The following RHOXF2 variants were observed in gnomAD, a reference collection of about 807,000 sequenced individuals.
The protein encoded by RHOXF2 is Rhox homeobox family member 2.
Under a neutral mutation model 9.3 loss-of-function variants are expected in RHOXF2, and 2 were observed. The ratio of observed to expected loss-of-function variants is 0.22; its 90% confidence interval spans 0.09 to 0.68. The LOEUF (loss-of-function observed/expected upper bound fraction) is 0.68. Ranked by LOEUF, RHOXF2 falls within the 30% of genes least tolerant of loss-of-function variation. The pLI, the probability that RHOXF2 is intolerant of heterozygous loss-of-function variation, is 0.82. For missense variants in RHOXF2, 27 were observed against 140.0 expected (o/e 0.19, Z 4.07); for synonymous variants, 15 against 63.3 (o/e 0.24, Z 3.62).
rs376075919 is a variant in RHOXF2, at chrX:120,159,236, G to A, written c.301G>A (p.Asp101Asn). 1.5e-5 allele frequency: 18 copies of A among 1,206,523 alleles called. No individual in the cohort carries two copies. The highest frequency in any genetic ancestry group is 3.0e-5 in the East Asian group (1 of 33,556). The change falls in exon 2 of 4, where the codon GAT becomes AAT. Residue 101 changes from aspartate (D) to asparagine (N), a missense_variant. Physicochemically the swap from Asp to Asn is conservative, Grantham distance 23. Around this residue, in one of 2 missense-constraint regions of RHOXF2, gnomAD observed 27 missense variants for 110.4 expected, o/e 0.24. Transcript: ENST00000371388. The stretch of plus-strand genomic sequence containing the variant: ...AGACCTCGAGGGCACCAGCGGCAGC[G>A]ATGGCAACGTTGAGGACAGCGACCA... ...EGDLEGTSGS[D>N]GNVEDSDQSE...
chrX:120,163,161 G>GT (rs2057418449), intron 3 of RHOXF2, among the ~76,000 whole-genome samples: 1 of 97,572 alleles, frequency 1.0e-5, no homozygotes, highest in Non-Finnish European at 2.1e-5. Flanking sequence ...TACCAGCAGG[G>GT]ATCGAGTCCC....
Position 120,159,205 on chromosome X carries a change from G to C in RHOXF2, c.270G>C (p.Trp90Cys). 5 of 1,207,148 alleles carry C rather than the reference G, an allele frequency of 4.1e-6. No homozygotes were observed. Among genetic ancestry groups the C allele is most frequent in the Non-Finnish European group, 5.6e-6 (5 of 894,026 alleles). The change falls in exon 2 of 4, where the codon TGG (tryptophan) becomes TGC (cysteine). Residue 90 changes from tryptophan (W) to cysteine (C), a missense_variant. Trp to Cys is a radical substitution (Grantham distance 215). Coordinates refer to ENST00000371388, the MANE Select transcript of RHOXF2 (RefSeq NM_032498.3). ...GGGAGVPGHL[W>C]EGDLEGTSGS... Reference sequence around the variant, plus strand: ...GCGCCGGAGTTCCTGGCCACCTATGGGAAGGAGACCTCGAGGGCACCAGCG... The same window carrying C: ...GCGCCGGAGTTCCTGGCCACCTATGCGAAGGAGACCTCGAGGGCACCAGCG...
At position 120,163,916 on chromosome X, in the gene RHOXF2, AT is replaced by A; in HGVS notation, c.*134del. 7.4e-5 allele frequency: 1 copy of A among 13,598 alleles called. No homozygotes were observed. The highest frequency in any genetic ancestry group is 1.3e-4 in the Non-Finnish European group (1 of 7,433). 1.1% of individuals were successfully genotyped at this position (13,598 alleles called of 1,213,427 possible). A position where few individuals can be genotyped will look rare whatever the true frequency, so the allele number is the denominator to read the frequency against. On this transcript the variant is annotated 3_prime_UTR_variant, in exon 4 of 4. Coordinates refer to ENST00000371388, the MANE Select transcript of RHOXF2 (RefSeq NM_032498.3). ...TTAAAGAAAAGTACATCATTGACCC[AT>A]TTTTAGGGCACTTGTAAAAATGTTT...
At chrX:120,162,212 TG>T (rs2057414850) in intron 3 of RHOXF2, among the ~76,000 whole-genome samples, 1 of 65,442 alleles carries the variant, frequency 1.5e-5, no homozygotes, top group Non-Finnish European at 2.7e-5. Context: ...GAGAAGGAAA[TG>T]GGGCATCAAA....
intron 3 of RHOXF2, among the ~76,000 whole-genome samples, chrX:120,161,402 A>AT (rs1457049519): frequency 9.5e-5 from 6 of 63,343 alleles, no homozygotes; most frequent in Admixed American, 7.9e-4. Context: ...CATTTAAGAG[A>AT]TTTTTTGTTT....
chrX:120,159,257 G>A lies in RHOXF2; in HGVS notation c.322G>A (p.Asp108Asn), dbSNP rs782319401. Residue 108 changes from aspartate to asparagine, a missense_variant, in exon 2 of 4, where the codon GAC becomes AAC. Asp to Asn is a conservative substitution (Grantham distance 23). Transcript: ENST00000371388. ...CAGCGATGGCAACGTTGAGGACAGC[G>A]ACCAGAGCGAGAAGGAACCTGGGCA... is the stretch of plus-strand genomic sequence containing the variant. ...SGSDGNVEDS[D>N]QSEKEPGQQY... is the part of the protein sequence containing the mutation. 1.4e-5 allele frequency: 17 copies of A among 1,208,476 alleles called. No homozygotes were observed. The highest frequency in any genetic ancestry group is 2.3e-4 in the Middle Eastern group (1 of 4,337).
At position 120,159,202 on chromosome X, in the gene RHOXF2, A is replaced by G. The variant is rs35263081; in HGVS notation, c.267A>G (p.Leu89=). Residue 89 remains leucine (L), a synonymous_variant, in exon 2 of 4, where the codon CTA becomes CTG. Transcript: ENST00000371388. ...DGGGAGVPGH[L]WEGDLEGTSG... ...GCGGCGCCGGAGTTCCTGGCCACCTATGGGAAGGAGACCTCGAGGGCACCA... is the reference window on the plus strand; with the variant it reads ...GCGGCGCCGGAGTTCCTGGCCACCTGTGGGAAGGAGACCTCGAGGGCACCA... 2,293 of 1,204,096 alleles carry G rather than the reference A, an allele frequency of 1.9e-3. 16 individuals carry two copies. The African/African-American group carries it at 0.035, about 19-fold the overall frequency.
rs782217219 is a variant in RHOXF2 at position 120,159,361 on chromosome X, C to G, written c.426C>G (p.Thr142=). 6 of 1,210,717 alleles carry G rather than the reference C, an allele frequency of 5.0e-6. No individual in the cohort carries two copies. In the East Asian group the frequency reaches 1.8e-4, roughly 36 times the overall value. ...AGCAGCCCAACGTCCACGCCTTCAC[C>G]CCATTGCAGCTGCAGGAGCTGGAGC... The part of the protein sequence containing the change: ...NAQQPNVHAF[T]PLQLQELERI... The change falls in exon 2 of 4, where the codon ACC becomes ACG. Residue 142 remains threonine (T), a synonymous_variant. Transcript: ENST00000371388.
intron 2 of RHOXF2, 141 bp downstream of exon 2, chrX:120,159,567 C>CCG (rs2057405582): frequency 9.7e-6 from 9 of 931,742 alleles, no homozygotes; most frequent in Non-Finnish European, 1.3e-5. Flanking sequence ...CCCGCAGACC[C>CCG]CTGGCACCTA....
chrX:120,163,383 CTTG>C (rs2057419624), intron 3 of RHOXF2, 72 bp from the exon 4 acceptor site: 2 of 102,246 alleles, frequency 2.0e-5, no homozygotes, highest in East Asian at 2.8e-4. Flanking sequence ...TAGAGAGTTG[CTTG>C]TTGTGTTTTT....
Position 120,159,156 on chromosome X carries a change from GC to G in RHOXF2, c.222del (p.Gly75GlufsTer97). 1 of 1,206,617 alleles carries G rather than the reference GC, an allele frequency of 8.3e-7. No individual in the cohort carries two copies. Among genetic ancestry groups the G allele is most frequent in the African/African-American group, 1.8e-5 (1 of 56,442 alleles). On this transcript the variant is annotated frameshift_variant, in exon 2 of 4. Coordinates refer to ENST00000371388, the MANE Select transcript of RHOXF2 (RefSeq NM_032498.3). LOFTEE classifies it high-confidence loss of function. ...CAAGGCGGAGAAGAAAAAGATGGCG[GC>G]GGAGAAGAAAAAGATGGCGGCGGCG... ...GAQGGEEKDG[G>X]GEEKDGGGAG...
rs1476421180 is a variant in RHOXF2, at chrX:120,165,302, G to T, written c.*1515G>T. Reference sequence around the variant, plus strand: ...AGTTGGCATTTGTTTTCATGTATCTGATAAGTACCTGTTAGAATTATAGGT... The same window carrying T: ...AGTTGGCATTTGTTTTCATGTATCTTATAAGTACCTGTTAGAATTATAGGT... On this transcript the variant is annotated 3_prime_UTR_variant, in exon 4 of 4. Coordinates refer to ENST00000371388, the MANE Select transcript of RHOXF2 (RefSeq NM_032498.3). 1 of 86,829 alleles carries T rather than the reference G, an allele frequency of 1.2e-5. No individual in the cohort carries two copies. Among genetic ancestry groups the T allele is most frequent in the Non-Finnish European group, 2.2e-5 (1 of 45,394 alleles). 7.2% of individuals were successfully genotyped at this position (86,829 alleles called of 1,213,427 possible).
Position 120,159,420 on chromosome X carries a change from TC to T in RHOXF2, c.487del (p.Leu163CysfsTer9). ...CAACGCGAGCAGTTCCCCAGTGAGT[TC>T]CTGCGGTAAGCCCATTGCTCTGGTT... ...IFQREQFPSE[F>X]LRRRLARSMN... is the part of the protein sequence containing the mutation. On this transcript the variant is annotated frameshift_variant, in exon 2 of 4. Coordinates refer to ENST00000371388, the MANE Select transcript of RHOXF2 (RefSeq NM_032498.3). LOFTEE classifies it low-confidence loss of function (END_TRUNC). The T allele has an allele frequency of 8.3e-7, 1 of 1,209,059 alleles. No individual in the cohort carries two copies. The highest frequency in any genetic ancestry group is 1.1e-6 in the Non-Finnish European group (1 of 893,813).
intron 3 of RHOXF2, among the ~76,000 whole-genome samples, chrX:120,162,448 CA>C (rs1776206821): frequency 1.6e-5 from 1 of 60,946 alleles, no homozygotes; most frequent in Non-Finnish European, 3.0e-5. Flanking sequence ...CCTATTTGGA[CA>C]CTCCCGCTTT....
rs1311737327 is a variant in RHOXF2 at position 120,165,068 on chromosome X, T to A, written c.*1281T>A. On this transcript the variant is annotated 3_prime_UTR_variant, in exon 4 of 4. Transcript: ENST00000371388. ...GTCGGTCTATTCCTGCTCATTATTT[T>A]GTTTTTTCTACATTCAGACTGAAAC... The A allele has an allele frequency of 9.6e-5, 9 of 93,511 alleles. No individual in the cohort carries two copies. The highest frequency in any genetic ancestry group is 1.7e-4 in the Non-Finnish European group (8 of 48,472). 7.7% of individuals were successfully genotyped at this position (93,511 alleles called of 1,213,427 possible).
rs146682591 is a variant in RHOXF2, at chrX:120,159,178, C to T, written c.243C>T (p.Gly81=). Residue 81 remains glycine (G), a synonymous_variant, in exon 2 of 4, where the codon GGC becomes GGT. Coordinates refer to ENST00000371388, the MANE Select transcript of RHOXF2 (RefSeq NM_032498.3). The part of the protein sequence containing the change: ...KDGGGEEKDG[G]GAGVPGHLWE... ...GCGGCGGAGAAGAAAAAGATGGCGG[C>T]GGCGCCGGAGTTCCTGGCCACCTAT... 379 of 1,205,177 alleles carry T rather than the reference C, an allele frequency of 3.1e-4. No homozygotes were observed. In the African/African-American group the frequency reaches 3.2e-3, roughly 10 times the overall value.
chrX:120,161,212 G>GT (rs1353696107), intron 3 of RHOXF2, among the ~76,000 whole-genome samples: 62 of 36,424 alleles, frequency 1.7e-3, no homozygotes, highest in South Asian at 2.4e-3. Flanking sequence ...ACCTTTGCAA[G>GT]TTTATCTAGA....
intron 3 of RHOXF2, among the ~76,000 whole-genome samples, chrX:120,162,160 CTATG>C (rs2057414702): frequency 3.2e-5 from 2 of 61,984 alleles, no homozygotes; most frequent in African/African-American, 1.5e-4. Context: ...AAAATTTAGA[CTATG>C]TATTCATGAG....
Position 120,163,661 on chromosome X carries a change from A to AC in RHOXF2, c.744dup (p.Phe249LeufsTer23). The AC allele has an allele frequency of 4.1e-6, 1 of 245,846 alleles. No homozygotes were observed. Among genetic ancestry groups the AC allele is most frequent in the Admixed American group, 8.6e-5 (1 of 11,582 alleles). The allele number at this position is 245,846 out of a possible 1,213,427, so 20.3% of individuals were successfully genotyped here. A position where few individuals can be genotyped will look rare whatever the true frequency, so the allele number is the denominator to read the frequency against. On this transcript the variant is annotated frameshift_variant, in exon 4 of 4. Coordinates refer to ENST00000371388, the MANE Select transcript of RHOXF2 (RefSeq NM_032498.3). LOFTEE classifies it low-confidence loss of function (END_TRUNC). ...CCAGCAGCCTGTGTTTCCCCATGCC[A>AC]CCCTTTCCTCCTCCGTCCTTGCCCC...
Sources: allele counts gnomAD v4.1 joint callset (sites outside exome capture counted in the v4.1 genomes callset), GRCh38; gene constraint gnomAD v4.1.1; regional missense constraint gnomAD v4.1.1; transcripts MANE v1.5; gene names NCBI Gene and HGNC (gene_info 2026-07-23, HGNC 2026-07-21).